HDAC4: variants seen among roughly 807,000 people sequenced by gnomAD.
HDAC4 encodes histone deacetylase A.
Under a neutral mutation model 135.1 loss-of-function variants are expected in HDAC4, and 16 were observed. The ratio of observed to expected loss-of-function variants is 0.12; its 90% CI spans 0.08 to 0.18. The LOEUF (loss-of-function observed/expected upper bound fraction) is 0.18, where lower values mean the gene tolerates loss of function less well. Among genes scored for constraint, HDAC4 ranks in the 10% least tolerant of loss-of-function variants. The pLI is 1.00. For synonymous variants in HDAC4, 685 were observed against 653.4 expected (o/e 1.05, Z -0.74); for missense variants, 1,143 against 1,511.8 (o/e 0.76, Z 4.05).
At chr2:239,297,238 T>C (rs1174365441) in intron 2 of HDAC4, among the ~76,000 whole-genome samples, 3 of 152,040 alleles carry the variant, frequency 2.0e-5, no homozygotes, top group African/African-American at 4.8e-5. Context: ...CAGCCAGCGC[T>C]CACCCAAACC....
In HDAC4 at chr2:239,262,107, C is replaced by T. The variant is rs545916948; in HGVS notation, c.23-25443G>A. 1.1e-3 allele frequency among the ~76,000 whole-genome samples: 161 copies of T among 152,286 alleles called. 1 individual carries two copies. The highest frequency in any genetic ancestry group is 1.7e-3 in the African/African-American group (72 of 41,548). Reference sequence around the variant, plus strand: ...TGAGGGACCCTCCCAACCACGCCAGCGCCGCCTGCAGTGACGCCGGGCCAC... The same window carrying T: ...TGAGGGACCCTCCCAACCACGCCAGTGCCGCCTGCAGTGACGCCGGGCCAC... On this transcript the variant is annotated intron_variant, in intron 2 of 26. Transcript: ENST00000543185. The surrounding 1 kb of genome is among the most constrained non-coding windows in gnomAD (Gnocchi z 4.1).
intron 1 of HDAC4, among the ~76,000 whole-genome samples, chr2:239,380,832 C>T (rs1695368049): frequency 6.6e-6 from 1 of 152,144 alleles, no homozygotes; most frequent in South Asian, 2.1e-4. Context: ...CTGCTGCCTA[C>T]CGATCTCCAC....
chr2:239,120,889 C>T (rs935989134), intron 12 of HDAC4, among the ~76,000 whole-genome samples: 1 of 151,850 alleles, frequency 6.6e-6, no homozygotes, highest in African/African-American at 2.4e-5. Flanking sequence ...GGAAGCCAGG[C>T]TGATCGAGGA....
chr2:239,246,860 T>G (rs2176044), intron 2 of HDAC4, among the ~76,000 whole-genome samples: 23,667 of 152,234 alleles, frequency 0.16, 2,576 homozygotes, highest in East Asian at 0.38. Context: ...GGATGTCCAC[T>G]GCCCAGTGGC....
chr2:239,359,960 G>C (rs1693752044), intron 1 of HDAC4, among the ~76,000 whole-genome samples: 1 of 152,180 alleles, frequency 6.6e-6, no homozygotes, highest in Non-Finnish European at 1.5e-5. Context: ...TTACAGAGCA[G>C]GCATGCTAGA....
chr2:239,275,673 C>T (rs2050316987), intron 2 of HDAC4, among the ~76,000 whole-genome samples: 1 of 152,110 alleles, frequency 6.6e-6, no homozygotes, highest in Non-Finnish European at 1.5e-5. Flanking sequence ...CCTGCGACTC[C>T]AGGTCCAGCC....
At chr2:239,384,334 C>CT in intron 1 of HDAC4, among the ~76,000 whole-genome samples, 1 of 152,006 alleles carries the variant, frequency 6.6e-6, no homozygotes, top group Middle Eastern at 3.4e-3. Context: ...AAAACTGAGG[C>CT]TAGGCATGGT....
intron 16 of HDAC4, among the ~76,000 whole-genome samples, chr2:239,097,156 C>A (rs1451050423): frequency 6.6e-6 from 1 of 152,244 alleles, no homozygotes; most frequent in East Asian, 1.9e-4. Flanking sequence ...CGGAGGGAGC[C>A]CGCGCTCCTC....
At chr2:239,263,964 C>T (rs1482889303) in intron 2 of HDAC4, among the ~76,000 whole-genome samples, 2 of 152,132 alleles carry the variant, frequency 1.3e-5, no homozygotes, top group South Asian at 4.1e-4. Flanking sequence ...AGGAAGGGTA[C>T]GTGGGCACCT....
chr2:239,181,286 G>A (rs2044134627), intron 4 of HDAC4, among the ~76,000 whole-genome samples: 1 of 152,238 alleles, frequency 6.6e-6, no homozygotes, highest in South Asian at 2.1e-4. Context: ...AAGGAGGGAG[G>A]AGAGGAGGGG....
chr2:239,122,526 C>T lies in HDAC4; in HGVS notation c.1533+3930G>A, dbSNP rs78442676. 1.3e-3 allele frequency among the ~76,000 whole-genome samples: 195 copies of T among 152,324 alleles called. 3 individuals carry two copies. In the East Asian group the frequency reaches 0.036, roughly 28 times the overall value. ...TTCATGCAGCAAACCCTTATAAACA[C>T]CACTGCATACAAGGCACGGGCAACA... On this transcript the variant is annotated intron_variant, in intron 12 of 26. Transcript: ENST00000543185.
intron 8 of HDAC4, among the ~76,000 whole-genome samples, chr2:239,143,082 G>A (rs2041511093): frequency 6.6e-6 from 1 of 152,148 alleles, no homozygotes; most frequent in Non-Finnish European, 1.5e-5. Flanking sequence ...GTGATGTGCT[G>A]CTTGCTCAAA....
In HDAC4 at chr2:239,138,589, A is replaced by C. The variant is rs576110930; in HGVS notation, c.978+1095T>G. Among the ~76,000 whole-genome samples, 408 of 152,280 alleles carry C rather than the reference A, an allele frequency of 2.7e-3. 4 individuals carry two copies. The highest frequency in any genetic ancestry group is 9.5e-3 in the African/African-American group (396 of 41,562). ...TCCAGCTCAACTCATCAGAAAACTC[A>C]CTGCTAAAGCGTACCCCTCCCACCC... is the stretch of plus-strand genomic sequence containing the variant. On this transcript the variant is annotated intron_variant, in intron 9 of 26. Transcript: ENST00000543185.
intron 1 of HDAC4, among the ~76,000 whole-genome samples, chr2:239,355,113 A>T (rs1197671063): frequency 6.6e-6 from 1 of 152,188 alleles, no homozygotes; most frequent in Non-Finnish European, 1.5e-5. Flanking sequence ...TGAATCTTAA[A>T]ATTCAAAAAC....
chr2:239,345,665 A>G (rs1262848472), intron 2 of HDAC4, among the ~76,000 whole-genome samples: 1 of 150,378 alleles, frequency 6.6e-6, no homozygotes, highest in East Asian at 2.0e-4. Flanking sequence ...AAAAACACAC[A>G]CTCCCTAAAA....
chr2:239,143,317 C>A (rs965307146), intron 8 of HDAC4, among the ~76,000 whole-genome samples: 1 of 152,094 alleles, frequency 6.6e-6, no homozygotes, highest in Non-Finnish European at 1.5e-5. Flanking sequence ...GCTGGCCAAG[C>A]AAGGCACTGC....
chr2:239,111,189 C>T (rs1389597966), intron 14 of HDAC4, among the ~76,000 whole-genome samples: 2 of 152,240 alleles, frequency 1.3e-5, no homozygotes, highest in African/African-American at 4.8e-5. Context: ...GAAGCGTGGG[C>T]TCATGATTCC....
chr2:239,246,867 T>A (rs1331826692), intron 2 of HDAC4, among the ~76,000 whole-genome samples: 1 of 152,178 alleles, frequency 6.6e-6, no homozygotes, highest in Non-Finnish European at 1.5e-5. Context: ...CACTGCCCAG[T>A]GGCGAGGGCA....
intron 1 of HDAC4, among the ~76,000 whole-genome samples, chr2:239,380,332 A>G (rs1053783832): frequency 1.0e-5 from 1 of 98,582 alleles, no homozygotes; most frequent in African/African-American, 3.5e-5. Flanking sequence ...GTACATTTAC[A>G]TTAAATTATA....
Sources: gnomAD v4.1 joint callset for allele counts (sites outside exome capture counted in the v4.1 genomes callset) on GRCh38, gnomAD v4.1.1 for gene constraint, Gnocchi (gnomAD v3.1) non-coding constraint, MANE v1.5 for transcripts, NCBI Gene and HGNC (gene_info 2026-07-23, HGNC 2026-07-21) for gene names.